STAG1: variants seen among roughly 807,000 people sequenced by gnomAD.
STAG1 encodes the protein STAG1 cohesin complex component.
In STAG1, 26 loss-of-function variants were observed where a neutral mutation model predicts 170.9. The ratio of observed to expected loss-of-function variants is 0.15; its 90% CI spans 0.11 to 0.21. The LOEUF is 0.21. STAG1 is among the 10% of genes least tolerant of loss of function. The probability of loss-of-function intolerance (pLI) is 1.00; values close to 1 mark genes in which losing one functional copy is unlikely to be tolerated. For synonymous variants in STAG1, 514 were observed against 497.7 expected (o/e 1.03, Z -0.44); for missense variants, 964 against 1,509.5 (o/e 0.64, Z 5.99).
chr3:136,740,035 T>A (rs1053853687), intron 1 of STAG1, among the ~76,000 whole-genome samples: 3 of 152,178 alleles, frequency 2.0e-5, no homozygotes, highest in African/African-American at 7.2e-5. Flanking sequence ...GTTTGCTTTT[T>A]CTTTTCTTTG....
At chr3:136,714,597 G>A (rs576624769) in intron 1 of STAG1, among the ~76,000 whole-genome samples, 22 of 151,638 alleles carry the variant, frequency 1.5e-4, no homozygotes, top group South Asian at 2.1e-4. Context: ...GCGTGGTGGC[G>A]GGCGCCTGTA....
At chr3:136,677,887 T>C (rs1206073480) in intron 1 of STAG1, among the ~76,000 whole-genome samples, 1 of 147,702 alleles carries the variant, frequency 6.8e-6, no homozygotes, top group Non-Finnish European at 1.5e-5. Context: ...CTGATATATA[T>C]ATCATATATA....
At position 136,476,004 on chromosome 3, in the gene STAG1, G is replaced by T. The variant is rs984140125; in HGVS notation, c.1026+1285C>A. 6.6e-5 allele frequency among the ~76,000 whole-genome samples: 10 copies of T among 152,194 alleles called. 1 individual carries two copies. The highest frequency in any genetic ancestry group is 3.3e-4 in the Admixed American group (5 of 15,270). ...GCAAGTCTCTTATGTCAAAATAAGA[G>T]TTATGATATGAAAAAAGTGAAGTCT... On this transcript the variant is annotated intron_variant, in intron 10 of 33. Transcript: ENST00000383202.
chr3:136,678,167 TTTC>T (rs1942200557), intron 1 of STAG1, among the ~76,000 whole-genome samples: 1 of 150,724 alleles, frequency 6.6e-6, no homozygotes, highest in Non-Finnish European at 1.5e-5. Context: ...ATCAAAACAA[TTTC>T]TACTTTATTA....
At position 136,579,721 on chromosome 3, in the gene STAG1, G is replaced by T. The variant is rs1252870263; in HGVS notation, c.298-10860C>A. 3.9e-5 allele frequency among the ~76,000 whole-genome samples: 6 copies of T among 152,296 alleles called. No homozygotes were observed. In the East Asian group the frequency reaches 1.2e-3, roughly 29 times the overall value. On this transcript the variant is annotated intron_variant, in intron 4 of 33. Coordinates refer to ENST00000383202, the MANE Select transcript of STAG1 (RefSeq NM_005862.3). ...TCCACCAGGCTCTGAATTTGACAGGGTTGGAGGGGCAACTCCTACATTCTA... is the reference window on the plus strand; with the variant it reads ...TCCACCAGGCTCTGAATTTGACAGGTTTGGAGGGGCAACTCCTACATTCTA...
chr3:136,356,241 A>T (rs1252908588), intron 28 of STAG1, among the ~76,000 whole-genome samples: 3 of 152,152 alleles, frequency 2.0e-5, no homozygotes, highest in African/African-American at 7.2e-5. Context: ...GCTTTACAAC[A>T]GTAGCTGACC....
intron 1 of STAG1, among the ~76,000 whole-genome samples, chr3:136,702,247 A>G (rs986388009): frequency 4.6e-5 from 7 of 152,198 alleles, no homozygotes; most frequent in Admixed American, 3.3e-4. Context: ...TCATCCTCCC[A>G]AAGTGCTTTT....
intron 4 of STAG1, among the ~76,000 whole-genome samples, chr3:136,602,703 T>C (rs940189451): frequency 6.6e-6 from 1 of 151,722 alleles, no homozygotes; most frequent in African/African-American, 2.4e-5. Flanking sequence ...ATACAAAAAT[T>C]AGCTGGGCGT....
intron 9 of STAG1, among the ~76,000 whole-genome samples, chr3:136,485,511 T>G (rs563798589): frequency 1.3e-5 from 2 of 152,274 alleles, no homozygotes; most frequent in East Asian, 3.9e-4. Flanking sequence ...TAGACCTACA[T>G]AATACTGAAC....
intron 9 of STAG1, among the ~76,000 whole-genome samples, chr3:136,490,597 C>T (rs797006371): frequency 6.6e-6 from 1 of 152,080 alleles, no homozygotes; most frequent in Non-Finnish European, 1.5e-5. Flanking sequence ...AAAATATCCT[C>T]TAATTAATAT....
intron 1 of STAG1, among the ~76,000 whole-genome samples, chr3:136,732,356 C>G (rs1414711842): frequency 6.6e-6 from 1 of 151,436 alleles, no homozygotes; most frequent in Non-Finnish European, 1.5e-5. Flanking sequence ...CAACTTTGCT[C>G]TTGGTTTCAT....
chr3:136,438,732 T>TATACGCTCAGCACTTAGCATA, intron 15 of STAG1, among the ~76,000 whole-genome samples: 1 of 152,164 alleles, frequency 6.6e-6, no homozygotes, highest in Non-Finnish European at 1.5e-5. Flanking sequence ...AGTATAACAC[T>TATACGCTCAGCACTTAGCATA]ATACGCTCAG....
chr3:136,644,358 C>T (rs554513529), intron 1 of STAG1, among the ~76,000 whole-genome samples: 8 of 152,266 alleles, frequency 5.3e-5, no homozygotes, highest in Admixed American at 2.6e-4. Context: ...TAACCATACA[C>T]TTTTATCACT....
chr3:136,465,363 G>A (rs999882108), intron 12 of STAG1, among the ~76,000 whole-genome samples: 6 of 151,284 alleles, frequency 4.0e-5, no homozygotes, highest in South Asian at 2.1e-4. Context: ...GAGATTACAG[G>A]TGCCCAACAC....
intron 1 of STAG1, among the ~76,000 whole-genome samples, chr3:136,728,366 T>A (rs1034720974): frequency 6.6e-6 from 1 of 152,316 alleles, no homozygotes; most frequent in South Asian, 2.1e-4. Context: ...TAAATGCATT[T>A]GTGGGTATGG....
At chr3:136,654,034 C>T (rs996128279) in intron 1 of STAG1, among the ~76,000 whole-genome samples, 1 of 152,144 alleles carries the variant, frequency 6.6e-6, no homozygotes, top group Non-Finnish European at 1.5e-5. Context: ...AAACATCAAA[C>T]TCAATTCTGA....
Position 136,341,540 on chromosome 3 carries a change from T to A in STAG1, c.3458A>T (p.Gln1153Leu), listed in dbSNP as rs1427354439. 6.2e-7 allele frequency: 1 copy of A among 1,609,052 alleles called. No individual in the cohort carries two copies. Among genetic ancestry groups the A allele is most frequent in the Non-Finnish European group, 8.5e-7 (1 of 1,175,802 alleles). ...CTTCGGCTGGCCTAACCAAGAGATCTGCATCTGAGGACTAAGAGAGGGTAC... is the reference window on the plus strand; with the variant it reads ...CTTCGGCTGGCCTAACCAAGAGATCAGCATCTGAGGACTAAGAGAGGGTAC... ...EPDFLHNPQM[Q>L]ISWLGQPKLE... Residue 1153 changes from glutamine to leucine, a missense_variant, in exon 31 of 34, where the codon CAG becomes CTG. Gln to Leu is a moderately radical substitution (Grantham distance 113). Coordinates refer to ENST00000383202, the MANE Select transcript of STAG1 (RefSeq NM_005862.3).
chr3:136,651,078 T>A (rs1941201914), intron 1 of STAG1, among the ~76,000 whole-genome samples: 1 of 152,050 alleles, frequency 6.6e-6, no homozygotes, highest in Admixed American at 6.6e-5. Flanking sequence ...TATTAAAGTA[T>A]CATGTGCTGG....
At chr3:136,747,671 C>A (rs1421192639) in intron 1 of STAG1, among the ~76,000 whole-genome samples, 1 of 152,030 alleles carries the variant, frequency 6.6e-6, no homozygotes, top group African/African-American at 2.4e-5. Context: ...CAGAGAGAGA[C>A]CCTGTCTCAA....
Sources: allele counts gnomAD v4.1 joint callset (sites outside exome capture counted in the v4.1 genomes callset), GRCh38; gene constraint gnomAD v4.1.1; transcripts MANE v1.5; gene names NCBI Gene and HGNC (gene_info 2026-07-23, HGNC 2026-07-21).